SH3RF2: variants seen among roughly 807,000 people sequenced by gnomAD.
SH3RF2 encodes SH3 domain containing ring finger 2.
In SH3RF2, 43 loss-of-function variants were observed where a neutral mutation model predicts 59.0. The observed-to-expected ratio is 0.73, with a 90% CI of 0.57 to 0.94. The LOEUF (loss-of-function observed/expected upper bound fraction) is 0.94. SH3RF2 is among the 40% of genes least tolerant of loss of function. The pLI, the probability that SH3RF2 is intolerant of heterozygous loss-of-function variation, is 0.00. For synonymous variants in SH3RF2, 391 were observed against 391.5 expected (o/e 1.00, Z 0.01); for missense variants, 930 against 940.1 (o/e 0.99, Z 0.14).
At chr5:146,042,835 G>C (rs1762173747) in intron 5 of SH3RF2, among the ~76,000 whole-genome samples, 3 of 152,168 alleles carry the variant, frequency 2.0e-5, no homozygotes, top group Non-Finnish European at 2.9e-5. Flanking sequence ...AATGTGTTTA[G>C]ATTTCAGCAA....
chr5:146,080,774 A>T (rs535898535), exon 10 of SH3RF2: 1 of 152,142 alleles, frequency 6.6e-6, no homozygotes, highest in Non-Finnish European at 1.5e-5. Context: ...GATTTGTTCC[A>T]CACTTTGTAT....
intron 8 of SH3RF2, among the ~76,000 whole-genome samples, chr5:146,057,972 C>CTATATATATATATATATATATA (rs1402735122): frequency 1.2e-5 from 1 of 81,264 alleles, no homozygotes; most frequent in African/African-American, 3.1e-5. Flanking sequence ...CTCTCTCTAT[C>CTATATATATATATATATATATA]TATCTATCTA....
chr5:145,997,531 ATT>A, intron 2 of SH3RF2: 1 of 1,606,480 alleles, frequency 6.2e-7, no homozygotes, highest in Non-Finnish European at 8.5e-7. Context: ...CCTCCTCGAG[ATT>A]TTCTTCCGAA....
intron 5 of SH3RF2, among the ~76,000 whole-genome samples, chr5:146,022,954 C>A (rs1761386990): frequency 6.6e-6 from 1 of 150,822 alleles, no homozygotes. Context: ...ATTCAGTGTT[C>A]AAATTTTTAT....
chr5:145,949,324 A>G (rs1468209813), intron 2 of SH3RF2, among the ~76,000 whole-genome samples: 1 of 152,244 alleles, frequency 6.6e-6, no homozygotes, highest in East Asian at 1.9e-4. Flanking sequence ...CGCTGTACAC[A>G]TTAAAGTATT....
chr5:146,016,925 T>C (rs1266367772), intron 5 of SH3RF2, among the ~76,000 whole-genome samples: 1 of 152,222 alleles, frequency 6.6e-6, no homozygotes, highest in Admixed American at 6.5e-5. Flanking sequence ...CCAAACATTG[T>C]GTATGGTGCT....
chr5:145,974,086 C>T (rs1215490069), intron 2 of SH3RF2, among the ~76,000 whole-genome samples: 1 of 152,132 alleles, frequency 6.6e-6, no homozygotes, highest in African/African-American at 2.4e-5. Context: ...CAGGCTTGCT[C>T]AGGTTGTAGT....
intron 5 of SH3RF2, among the ~76,000 whole-genome samples, chr5:146,030,444 G>T (rs1761700371): frequency 6.6e-6 from 1 of 152,128 alleles, no homozygotes; most frequent in Admixed American, 6.5e-5. Flanking sequence ...AAGGAGGCAG[G>T]ACACTGATGA....
chr5:145,970,916 T>A (rs1000492566), intron 2 of SH3RF2, among the ~76,000 whole-genome samples: 12 of 152,178 alleles, frequency 7.9e-5, no homozygotes, highest in African/African-American at 2.7e-4. Flanking sequence ...GATCTCTACA[T>A]TATTCTCAAA....
chr5:145,996,369 G>A (rs1580831363), intron 2 of SH3RF2, among the ~76,000 whole-genome samples: 1 of 152,292 alleles, frequency 6.6e-6, no homozygotes, highest in African/African-American at 2.4e-5. Flanking sequence ...CTCTTAGTCT[G>A]TTAGAACTTG....
intron 5 of SH3RF2, among the ~76,000 whole-genome samples, chr5:146,024,934 G>A (rs1038184586): frequency 2.0e-5 from 3 of 152,170 alleles, no homozygotes; most frequent in Non-Finnish European, 4.4e-5. Context: ...CTATTCAAGT[G>A]TCAGCCTGCT....
intron 2 of SH3RF2, among the ~76,000 whole-genome samples, chr5:145,952,367 A>G (rs1384101061): frequency 1.3e-5 from 2 of 152,126 alleles, no homozygotes; most frequent in Non-Finnish European, 2.9e-5. Flanking sequence ...TGCTAAAACA[A>G]TATCTTAATA....
At position 146,048,540 on chromosome 5, in the gene SH3RF2, A is replaced by G. The variant is rs150920075; in HGVS notation, c.1152-535A>G. Among the ~76,000 whole-genome samples the G allele has an allele frequency of 6.7e-3, 1,019 of 152,192 alleles. 13 individuals carry two copies. The highest frequency in any genetic ancestry group is 0.024 in the African/African-American group (993 of 41,464). The stretch of plus-strand genomic sequence containing the variant: ...TAGCATTTTAGAAAGAAAAAACAAA[A>G]CAAAAAAAACCTTGTAGAGAACACT... On this transcript the variant is annotated intron_variant, in intron 6 of 9. Transcript: ENST00000359120.
chr5:145,944,802 A>T (rs1757949233), intron 2 of SH3RF2, among the ~76,000 whole-genome samples: 1 of 152,292 alleles, frequency 6.6e-6, no homozygotes, highest in Non-Finnish European at 1.5e-5. Context: ...TTAATTGTCC[A>T]TGGAACAAAA....
intron 9 of SH3RF2, among the ~76,000 whole-genome samples, chr5:146,073,098 T>C (rs1352390024): frequency 6.6e-6 from 1 of 152,248 alleles, no homozygotes; most frequent in Non-Finnish European, 1.5e-5. Context: ...TTAGCAAAGA[T>C]GGGGCCAGCT....
At chr5:145,981,245 C>T (rs1759495911) in intron 2 of SH3RF2, among the ~76,000 whole-genome samples, 1 of 152,062 alleles carries the variant, frequency 6.6e-6, no homozygotes, top group Non-Finnish European at 1.5e-5. Context: ...CAAGCATATG[C>T]CACTACACCC....
At chr5:146,065,445 G>A (rs565278596), downstream of SH3RF2, among the ~76,000 whole-genome samples, 17 of 152,172 alleles carry the variant, frequency 1.1e-4, no homozygotes, top group African/African-American at 4.1e-4. Context: ...ATGACTGGCC[G>A]ACCAAATATT....
chr5:145,998,021 G>A, intron 2 of SH3RF2: 1 of 661,588 alleles, frequency 1.5e-6, no homozygotes, highest in Non-Finnish European at 2.7e-6. Flanking sequence ...GAAGCAGACT[G>A]CATAGAGAGA....
At chr5:146,065,221 A>C (rs1359466035), downstream of SH3RF2, among the ~76,000 whole-genome samples, 1 of 152,218 alleles carries the variant, frequency 6.6e-6, no homozygotes, top group Non-Finnish European at 1.5e-5. Context: ...TTGACCCATT[A>C]GGTCCACAAA....
Sources: allele counts gnomAD v4.1 joint callset (sites outside exome capture counted in the v4.1 genomes callset), GRCh38; gene constraint gnomAD v4.1.1; transcripts MANE v1.5; gene names NCBI Gene and HGNC (gene_info 2026-07-23, HGNC 2026-07-21).